AFG1L: variants seen among roughly 807,000 people sequenced by gnomAD.
AFG1L encodes the protein AFG1-like ATPase.
AFG1L carries 53 observed loss-of-function variants against 62.2 expected under a neutral mutation model. The observed-to-expected ratio is 0.85, with a 90% CI of 0.68 to 1.07. AFG1L has a LOEUF of 1.07. Ranked by LOEUF, AFG1L falls within the 50% of genes least tolerant of loss-of-function variation. The probability of loss-of-function intolerance (pLI) is 0.00; values close to 1 mark genes in which losing one functional copy is unlikely to be tolerated. For missense variants in AFG1L, 555 were observed against 590.5 expected (o/e 0.94, Z 0.62); for synonymous variants, 228 against 210.3 (o/e 1.08, Z -0.73).
Position 108,463,409 on chromosome 6 carries a change from C to CT in AFG1L, c.891-13441dup, listed in dbSNP as rs34658383. On this transcript the variant is annotated intron_variant, in intron 8 of 12. Coordinates refer to ENST00000368977, the MANE Select transcript of AFG1L (RefSeq NM_145315.5). Reference sequence around the variant, plus strand: ...TTTACTCTCCAACTTCTTCTCCCTCCTTTTTTTTTTTTTTTGAAATCTTCA... The same window carrying CT: ...TTTACTCTCCAACTTCTTCTCCCTCCTTTTTTTTTTTTTTTTGAAATCTTCA... Among the ~76,000 whole-genome samples, 768 of 135,688 alleles carry CT rather than the reference C, an allele frequency of 5.7e-3. 14 individuals are homozygous for CT. The highest frequency in any genetic ancestry group is 6.3e-3 in the East Asian group (31 of 4,908). 89.0% of individuals were successfully genotyped at this position (135,688 alleles called of 152,430 possible).
chr6:108,463,986 G>C (rs1403057716), intron 8 of AFG1L, among the ~76,000 whole-genome samples: 3 of 152,150 alleles, frequency 2.0e-5, no homozygotes, highest in Non-Finnish European at 4.4e-5. Flanking sequence ...TCACTGCCAG[G>C]GAAGTTTGGC....
At chr6:108,506,773 A>T (rs941167990) in intron 10 of AFG1L, among the ~76,000 whole-genome samples, 1 of 152,198 alleles carries the variant, frequency 6.6e-6, no homozygotes, top group Non-Finnish European at 1.5e-5. Context: ...TTTAATTTGT[A>T]CTGGTTTTTA....
At chr6:108,416,322 G>T (rs1225119927) in intron 7 of AFG1L, among the ~76,000 whole-genome samples, 3 of 152,200 alleles carry the variant, frequency 2.0e-5, no homozygotes, top group Non-Finnish European at 1.5e-5. Flanking sequence ...TTACACTGTT[G>T]GTGGGACTGT....
At chr6:108,388,604 A>G (rs1357463312) in intron 6 of AFG1L, among the ~76,000 whole-genome samples, 2 of 152,090 alleles carry the variant, frequency 1.3e-5, no homozygotes, top group East Asian at 3.8e-4. Flanking sequence ...TTCAAAGAAC[A>G]TCTTTATTTC....
At chr6:108,409,197 A>G (rs1781994730) in intron 7 of AFG1L, among the ~76,000 whole-genome samples, 2 of 152,200 alleles carry the variant, frequency 1.3e-5, no homozygotes, top group African/African-American at 4.8e-5. Flanking sequence ...GGATATTAAG[A>G]TTATGAGTGA....
chr6:108,369,939 GCTGGCTGGCTAT>G (rs1442400688), intron 6 of AFG1L, among the ~76,000 whole-genome samples: 5 of 131,476 alleles, frequency 3.8e-5, no homozygotes, highest in Admixed American at 2.3e-4. Context: ...TGGCTGGCTG[GCTGGCTGGCTAT>G]CTATCTATCT....
At chr6:108,414,838 G>A (rs547309568) in intron 7 of AFG1L, among the ~76,000 whole-genome samples, 2 of 152,296 alleles carry the variant, frequency 1.3e-5, no homozygotes, top group South Asian at 2.1e-4. Context: ...AAAACTGGAA[G>A]CATTCCCTTT....
intron 6 of AFG1L, among the ~76,000 whole-genome samples, chr6:108,389,324 T>G (rs1780937476): frequency 6.6e-6 from 1 of 152,216 alleles, no homozygotes; most frequent in South Asian, 2.1e-4. Flanking sequence ...GTCTTGACTC[T>G]TTATCCAATT....
chr6:108,512,873 CATT>C lies in AFG1L; in HGVS notation c.1203+2525_1203+2527del, dbSNP rs1379306907. 2.6e-5 allele frequency among the ~76,000 whole-genome samples: 4 copies of C among 152,226 alleles called. No individual in the cohort carries two copies. In the East Asian group the frequency reaches 7.7e-4, roughly 29 times the overall value. On this transcript the variant is annotated intron_variant, in intron 11 of 12. Transcript: ENST00000368977. ...TCAAAAATTGGTAGCATTAAACAGA[CATT>C]ATTCTAGAATGTATTCATGGAGATT...
chr6:108,403,456 T>C (rs1328069530), intron 7 of AFG1L, among the ~76,000 whole-genome samples: 1 of 152,174 alleles, frequency 6.6e-6, no homozygotes, highest in Admixed American at 6.5e-5. Flanking sequence ...ATCTGTTTCC[T>C]TGACCAATTT....
At chr6:108,384,862 A>G (rs991520279) in intron 6 of AFG1L, among the ~76,000 whole-genome samples, 2 of 152,198 alleles carry the variant, frequency 1.3e-5, no homozygotes, top group Non-Finnish European at 2.9e-5. Context: ...GGTTCAAATA[A>G]CTTAAAATTA....
intron 6 of AFG1L, among the ~76,000 whole-genome samples, chr6:108,400,705 A>G (rs1781540324): frequency 2.4e-5 from 3 of 123,792 alleles, no homozygotes; most frequent in African/African-American, 9.2e-5. Context: ...ATATATTATT[A>G]TATATATTTA....
intron 7 of AFG1L, among the ~76,000 whole-genome samples, chr6:108,425,047 A>G (rs372692850): frequency 2.0e-5 from 3 of 152,170 alleles, no homozygotes; most frequent in African/African-American, 7.2e-5. Flanking sequence ...TATACAGAAG[A>G]AGTTACCTGA....
intron 7 of AFG1L, among the ~76,000 whole-genome samples, chr6:108,446,493 T>C (rs28617201): frequency 9.4e-4 from 119 of 126,078 alleles, no homozygotes; most frequent in African/African-American, 3.0e-3. Context: ...CTCTCTCTCT[T>C]TTTTTTTTTT....
At chr6:108,353,216 A>T (rs1157796686) in intron 3 of AFG1L, among the ~76,000 whole-genome samples, 6 of 148,768 alleles carry the variant, frequency 4.0e-5, no homozygotes, top group Non-Finnish European at 7.4e-5. Flanking sequence ...GTGCAGTAGC[A>T]CGATCATAGC....
At chr6:108,396,819 T>C (rs1054355794) in intron 6 of AFG1L, among the ~76,000 whole-genome samples, 1 of 152,118 alleles carries the variant, frequency 6.6e-6, no homozygotes, top group Non-Finnish European at 1.5e-5. Flanking sequence ...TTATGAGGTA[T>C]GTGAGATATT....
At chr6:108,396,803 A>G (rs1562131575) in intron 6 of AFG1L, among the ~76,000 whole-genome samples, 1 of 152,082 alleles carries the variant, frequency 6.6e-6, no homozygotes, top group South Asian at 2.1e-4. Flanking sequence ...TAGTAGGTGT[A>G]TATCTTTATG....
intron 8 of AFG1L, among the ~76,000 whole-genome samples, chr6:108,468,525 A>T (rs1772759344): frequency 6.6e-6 from 1 of 152,150 alleles, no homozygotes. Flanking sequence ...GCATAAGGAT[A>T]TGCCTTGGAA....
intron 3 of AFG1L, among the ~76,000 whole-genome samples, chr6:108,350,385 T>C (rs545856793): frequency 6.6e-6 from 1 of 152,094 alleles, no homozygotes; most frequent in East Asian, 1.9e-4. Flanking sequence ...AATACCTACC[T>C]GGTAGCACTC....
Sources: allele counts gnomAD v4.1 joint callset (sites outside exome capture counted in the v4.1 genomes callset), GRCh38; gene constraint gnomAD v4.1.1; transcripts MANE v1.5; gene names NCBI Gene and HGNC (gene_info 2026-07-23, HGNC 2026-07-21).